MEGF11: variants seen among roughly 807,000 people sequenced by gnomAD.
The protein encoded by MEGF11 is multiple EGF like domains 11, also known as multiple epidermal growth factor-like domains protein 11.
Under a neutral mutation model 146.6 loss-of-function variants are expected in MEGF11, and 126 were observed. The observed-to-expected ratio is 0.86, with a 90% CI of 0.74 to 1.00. The LOEUF is 1.00. Ranked by LOEUF, MEGF11 falls within the 50% of genes least tolerant of loss-of-function variation. The pLI, the probability that MEGF11 is intolerant of heterozygous loss-of-function variation, is 0.00. For synonymous variants in MEGF11, 532 were observed against 583.4 expected, an observed-to-expected ratio of 0.91 and a Z score of 1.27; for missense variants, 1,509 against 1,521.2, an observed-to-expected ratio of 0.99 and a Z score of 0.13.
chr15:66,247,107 G>C (rs1016955820), intron 1 of MEGF11, among the ~76,000 whole-genome samples: 1 of 152,144 alleles, frequency 6.6e-6, no homozygotes, highest in Non-Finnish European at 1.5e-5. Context: ...CCATACTTAA[G>C]TGCTGGAGTT....
intron 1 of MEGF11, among the ~76,000 whole-genome samples, chr15:66,226,545 G>A (rs2091857123): frequency 6.6e-6 from 1 of 152,142 alleles, no homozygotes; most frequent in Non-Finnish European, 1.5e-5. Flanking sequence ...ACTGCACCCA[G>A]CCCCTTAATT....
At chr15:66,041,794 C>T (rs1274670100) in intron 5 of MEGF11, among the ~76,000 whole-genome samples, 1 of 152,158 alleles carries the variant, frequency 6.6e-6, no homozygotes, top group Admixed American at 6.5e-5. Context: ...GAGTTTAGGG[C>T]TCATAATATC....
chr15:65,932,218 A>C (rs2079604526), intron 10 of MEGF11, among the ~76,000 whole-genome samples: 1 of 152,080 alleles, frequency 6.6e-6, no homozygotes, highest in Non-Finnish European at 1.5e-5. Flanking sequence ...GGGTAAAGGG[A>C]GGGAGATCCT....
In MEGF11 at chr15:65,916,855, C is replaced by A; in HGVS notation, c.2188G>T (p.Gly730Cys). 6.2e-7 allele frequency: 1 copy of A among 1,603,694 alleles called. No individual in the cohort carries two copies. The highest frequency in any genetic ancestry group is 1.7e-4 in the Middle Eastern group (1 of 5,958). Reference protein sequence around the residue: ...AEDGACHCTPGWTGLFCTQRC... With the variant: ...AEDGACHCTPCWTGLFCTQRC... ...TGTGTGCAGAAGAGTCCAGTCCAGC[C>A]AGGGGTGCAGTGGCAGGCCCCGTCC... Residue 730 changes from glycine to cysteine, a missense_variant, in exon 17 of 26, where the codon GGC (glycine) becomes TGC (cysteine). By Grantham distance (159) the Gly-to-Cys change is radical. Transcript: ENST00000395614.
At chr15:66,245,702 C>T (rs1256490877) in intron 1 of MEGF11, among the ~76,000 whole-genome samples, 1 of 152,050 alleles carries the variant, frequency 6.6e-6, no homozygotes, top group Admixed American at 6.6e-5. Flanking sequence ...AAATGGCTCC[C>T]AGAGCAACAT....
chr15:66,117,459 G>A (rs911225925), intron 4 of MEGF11, among the ~76,000 whole-genome samples: 6 of 152,178 alleles, frequency 3.9e-5, no homozygotes, highest in Admixed American at 6.5e-5. Flanking sequence ...CAATCAGGAC[G>A]CTTAGCACTT....
intron 3 of MEGF11, among the ~76,000 whole-genome samples, chr15:66,122,285 G>GAA (rs138554891): frequency 6.8e-6 from 1 of 146,864 alleles, no homozygotes; most frequent in Non-Finnish European, 1.5e-5. Context: ...TACCTATGCA[G>GAA]AAAAAAAAAA....
Position 65,898,435 on chromosome 15 carries a change from A to G in MEGF11, c.3262+293T>C, listed in dbSNP as rs1392351540. 3 of 985,410 alleles carry G rather than the reference A, an allele frequency of 3.0e-6. No individual in the cohort carries two copies. In the East Asian group the frequency reaches 3.4e-4, roughly 112 times the overall value. 61.0% of individuals were successfully genotyped at this position (985,410 alleles called of 1,614,324 possible). A position where few individuals can be genotyped will look rare whatever the true frequency, so the allele number is the denominator to read the frequency against. On this transcript the variant is annotated intron_variant, in intron 25 of 25. Coordinates refer to ENST00000395614, the MANE Select transcript of MEGF11 (RefSeq NM_001385028.1). ...TCTTTTTTAAAATGAGATTTGTATC[A>G]ACAATCTGTGTGTGTGTGTGCGCGC... is the stretch of plus-strand genomic sequence containing the variant.
At chr15:66,134,912 G>C (rs2088822513) in intron 1 of MEGF11, among the ~76,000 whole-genome samples, 1 of 152,212 alleles carries the variant, frequency 6.6e-6, no homozygotes, top group Non-Finnish European at 1.5e-5. Context: ...GAGGTGACTT[G>C]CTCAAAGACA....
chr15:65,924,878 C>T (rs1035135008), intron 13 of MEGF11, among the ~76,000 whole-genome samples: 4 of 152,192 alleles, frequency 2.6e-5, no homozygotes, highest in Non-Finnish European at 5.9e-5. Context: ...ATCCGCCCGC[C>T]TCAGCCTCCC....
rs182713220 is a variant in MEGF11 at position 66,071,133 on chromosome 15, C to A, written c.394+23269G>T. 4.6e-5 allele frequency among the ~76,000 whole-genome samples: 7 copies of A among 152,244 alleles called. No individual in the cohort carries two copies. The East Asian group carries it at 1.2e-3, about 25-fold the overall frequency. ...GATAAAAGCTCCACCCAAGGTCCAC[C>A]TTATAGAACTGTCCTCTCCCTCCCC... On this transcript the variant is annotated intron_variant, in intron 5 of 25. Transcript: ENST00000395614.
intron 8 of MEGF11, among the ~76,000 whole-genome samples, chr15:65,965,600 C>CTTTTTTTT (rs767520450): frequency 1.1e-4 from 2 of 18,874 alleles, no homozygotes; most frequent in African/African-American, 4.4e-4. Context: ...TTCTTTCTTT[C>CTTTTTTTT]TTTTTTTTTT....
chr15:65,965,461 A>AAACTT (rs2081034176), intron 8 of MEGF11: 1 of 246,682 alleles, frequency 4.1e-6, no homozygotes, highest in Non-Finnish European at 7.7e-6. Flanking sequence ...ATTCTCATTG[A>AAACTT]AACTTAACAC....
chr15:66,112,745 A>G (rs2087499661), intron 4 of MEGF11, among the ~76,000 whole-genome samples: 1 of 152,246 alleles, frequency 6.6e-6, no homozygotes, highest in African/African-American at 2.4e-5. Context: ...AGTCCAGAAC[A>G]CAATGGAACA....
At chr15:65,915,846 G>T (rs1194043132) in intron 18 of MEGF11, among the ~76,000 whole-genome samples, 1 of 151,950 alleles carries the variant, frequency 6.6e-6, no homozygotes, top group Non-Finnish European at 1.5e-5. Flanking sequence ...CACCTGCCAT[G>T]CCCTAATCTG....
chr15:65,988,868 C>T (rs17818352), intron 5 of MEGF11, among the ~76,000 whole-genome samples: 15,512 of 152,170 alleles, frequency 0.1, 930 homozygotes, highest in Middle Eastern at 0.18. Flanking sequence ...GCCAGCTCAG[C>T]GGGGCACAAG....
chr15:65,971,879 A>C (rs1276179412), intron 7 of MEGF11, among the ~76,000 whole-genome samples: 1 of 152,210 alleles, frequency 6.6e-6, no homozygotes, highest in Admixed American at 6.5e-5. Flanking sequence ...TGCCTGGAGC[A>C]AGGAAAACCT....
At chr15:65,961,216 A>G (rs1027431021) in intron 9 of MEGF11, among the ~76,000 whole-genome samples, 1 of 152,154 alleles carries the variant, frequency 6.6e-6, no homozygotes, top group Non-Finnish European at 1.5e-5. Flanking sequence ...ATGGCAGGCC[A>G]GGGACTGCTG....
intron 20 of MEGF11, 39 bp downstream of exon 20, chr15:65,913,697 TG>T: frequency 6.5e-7 from 1 of 1,528,096 alleles, no homozygotes; most frequent in Non-Finnish European, 9.0e-7. Context: ...TATGTGTGTG[TG>T]GAGGGGAAGA....
Sources: allele counts gnomAD v4.1 joint callset (sites outside exome capture counted in the v4.1 genomes callset), GRCh38; gene constraint gnomAD v4.1.1; transcripts MANE v1.5; gene names NCBI Gene and HGNC (gene_info 2026-07-23, HGNC 2026-07-21).